The following DNAJC15 variants were observed in gnomAD, a reference collection of about 807,000 sequenced individuals.
DNAJC15 encodes dnaJ homolog subfamily C member 15.
DNAJC15 carries 27 observed loss-of-function variants against 22.4 expected under a neutral mutation model. The observed-to-expected ratio is 1.20, with a 90% CI of 0.89 to 1.66. The LOEUF (loss-of-function observed/expected upper bound fraction) is 1.66. Among genes scored for constraint, DNAJC15 ranks in the 40% most tolerant of loss-of-function variants. DNAJC15 has a pLI of 0.00. For synonymous variants in DNAJC15, 79 were observed against 63.2 expected (o/e 1.25, Z -1.19); for missense variants, 208 against 187.1 (o/e 1.11, Z -0.65).
At chr13:43,052,033 C>T (rs1055282805) in intron 1 of DNAJC15, among the ~76,000 whole-genome samples, 9 of 152,002 alleles carry the variant, frequency 5.9e-5, no homozygotes, top group African/African-American at 1.9e-4. Context: ...GGCGTGATCT[C>T]GGCTCACTGC....
chr13:43,072,096 CTTA>C (rs2040612136), intron 3 of DNAJC15, among the ~76,000 whole-genome samples: 1 of 152,086 alleles, frequency 6.6e-6, no homozygotes, highest in Non-Finnish European at 1.5e-5. Context: ...TTTTGGTGGT[CTTA>C]TTATTCTTAT....
intron 1 of DNAJC15, 71 bp downstream of exon 1, chr13:43,023,805 C>T: frequency 7.2e-7 from 1 of 1,388,742 alleles, no homozygotes; most frequent in Non-Finnish European, 9.9e-7. Context: ...CCTCTACCGC[C>T]TCACCCTTGA....
intron 5 of DNAJC15, among the ~76,000 whole-genome samples, chr13:43,088,315 A>G (rs998490474): frequency 1.3e-5 from 2 of 152,246 alleles, no homozygotes; most frequent in Non-Finnish European, 1.5e-5. Context: ...CCTTTGCCGT[A>G]GCTTGAGAGG....
intron 3 of DNAJC15, among the ~76,000 whole-genome samples, chr13:43,075,772 C>A (rs1396748344): frequency 6.6e-6 from 1 of 152,188 alleles, no homozygotes; most frequent in East Asian, 1.9e-4. Context: ...AAGTGATTCT[C>A]CTGCCTCAGC....
chr13:43,025,693 CAG>C (rs1381797889), intron 1 of DNAJC15, among the ~76,000 whole-genome samples: 75 of 152,184 alleles, frequency 4.9e-4, no homozygotes, highest in Non-Finnish European at 4.4e-5. Context: ...TCACTTGAGT[CAG>C]GGGTTCGAGA....
chr13:43,105,061 C>G (rs1254561598), intron 5 of DNAJC15, among the ~76,000 whole-genome samples: 1 of 151,408 alleles, frequency 6.6e-6, no homozygotes, highest in Non-Finnish European at 1.5e-5. Context: ...TCACTGCCAG[C>G]AACTAGATAT....
At position 43,033,723 on chromosome 13, in the gene DNAJC15, A is replaced by G. The variant is rs117190498; in HGVS notation, c.108+9989A>G. Among the ~76,000 whole-genome samples the G allele has an allele frequency of 1.4e-3, 210 of 152,194 alleles. 3 individuals carry two copies. The East Asian group carries it at 0.032, about 23-fold the overall frequency. On this transcript the variant is annotated intron_variant, in intron 1 of 5. Transcript: ENST00000379221. ...GGGGTTTTAGGTTTTTGGAAGGAAG[A>G]TCAATCAGAAAGGTGAAGTGCCAGG...
At chr13:43,059,784 G>A (rs2040549341) in intron 1 of DNAJC15, among the ~76,000 whole-genome samples, 1 of 152,232 alleles carries the variant, frequency 6.6e-6, no homozygotes, top group African/African-American at 2.4e-5. Context: ...TCAGCAAAGG[G>A]TGGTGGATTA....
chr13:43,031,448 A>T (rs140502471), intron 1 of DNAJC15, among the ~76,000 whole-genome samples: 1 of 152,092 alleles, frequency 6.6e-6, no homozygotes, highest in Admixed American at 6.6e-5. Context: ...CTAAACCTAG[A>T]CTCCTAGACT....
chr13:43,032,832 A>G (rs1431816807), intron 1 of DNAJC15, among the ~76,000 whole-genome samples: 2 of 152,162 alleles, frequency 1.3e-5, no homozygotes, highest in African/African-American at 4.8e-5. Context: ...CTCAACAACA[A>G]CAAAAAGAAG....
chr13:43,103,347 T>G lies in DNAJC15; in HGVS notation c.383-3831T>G, dbSNP rs149851600. ...AATGAAAATGAAATTATGAGAAAATTGAAGAAAAAAGTATGTATATAAGAT... is the reference window on the plus strand; with the variant it reads ...AATGAAAATGAAATTATGAGAAAATGGAAGAAAAAAGTATGTATATAAGAT... On this transcript the variant is annotated intron_variant, in intron 5 of 5. Coordinates refer to ENST00000379221, the MANE Select transcript of DNAJC15 (RefSeq NM_013238.3). Among the ~76,000 whole-genome samples the G allele has an allele frequency of 2.4e-3, 359 of 152,276 alleles. 1 individual carries two copies. The highest frequency in any genetic ancestry group is 7.7e-3 in the African/African-American group (318 of 41,562).
chr13:43,080,041 T>C (rs2040654433), intron 4 of DNAJC15, among the ~76,000 whole-genome samples: 1 of 152,182 alleles, frequency 6.6e-6, no homozygotes, highest in South Asian at 2.1e-4. Context: ...TTAAATTATA[T>C]AATATATGTG....
intron 3 of DNAJC15, among the ~76,000 whole-genome samples, chr13:43,069,726 T>C (rs1195852857): frequency 6.6e-6 from 1 of 152,158 alleles, no homozygotes; most frequent in Non-Finnish European, 1.5e-5. Flanking sequence ...GACTTGAGAT[T>C]GTCAAATTGC....
At chr13:43,030,098 G>A (rs1003408248) in intron 1 of DNAJC15, among the ~76,000 whole-genome samples, 2 of 152,164 alleles carry the variant, frequency 1.3e-5, no homozygotes, top group South Asian at 2.1e-4. Context: ...ATCAGAGTAC[G>A]TATAATACTC....
chr13:43,090,415 C>G (rs1156495123), intron 5 of DNAJC15, among the ~76,000 whole-genome samples: 1 of 152,110 alleles, frequency 6.6e-6, no homozygotes, highest in East Asian at 1.9e-4. Flanking sequence ...GAACTAAGTA[C>G]AGAGACAGCC....
chr13:43,034,199 A>G (rs2040416924), intron 1 of DNAJC15, among the ~76,000 whole-genome samples: 2 of 150,576 alleles, frequency 1.3e-5, no homozygotes, highest in African/African-American at 2.5e-5. Context: ...AAAGAAAGTC[A>G]CTTTGTGCAG....
intron 1 of DNAJC15, among the ~76,000 whole-genome samples, chr13:43,037,186 C>A (rs778121334): frequency 6.6e-6 from 1 of 152,234 alleles, no homozygotes; most frequent in Admixed American, 6.5e-5. Flanking sequence ...AAAGTAAAAT[C>A]GGTTGCTGTA....
Position 43,068,957 on chromosome 13 carries a change from C to T in DNAJC15, c.188C>T (p.Pro63Leu), listed in dbSNP as rs1389633662. The T allele has an allele frequency of 1.9e-6, 3 of 1,612,810 alleles. No homozygotes were observed. Among genetic ancestry groups the T allele is most frequent in the Admixed American group, 1.7e-5 (1 of 59,856 alleles). Residue 63 changes from proline (P) to leucine (L), a missense_variant, in exon 3 of 6, where the codon CCT becomes CTT. Coordinates refer to ENST00000379221, the MANE Select transcript of DNAJC15 (RefSeq NM_013238.3). ...CGCTACGCATTTCGGATCTGGAAAC[C>T]TCTAGAACAAGTTATCACAGAAACT... ...AGRYAFRIWK[P>L]LEQVITETAK...
chr13:43,071,529 A>G (rs1412024621), intron 3 of DNAJC15, among the ~76,000 whole-genome samples: 2 of 152,240 alleles, frequency 1.3e-5, no homozygotes, highest in African/African-American at 4.8e-5. Flanking sequence ...AAACAATTTT[A>G]AAACTAGTAA....
Sources: allele counts gnomAD v4.1 joint callset (sites outside exome capture counted in the v4.1 genomes callset), GRCh38; gene constraint gnomAD v4.1.1; transcripts MANE v1.5; gene names NCBI Gene and HGNC (gene_info 2026-07-23, HGNC 2026-07-21).